The following TGM6 variants were observed in gnomAD, a reference collection of about 807,000 sequenced individuals.
TGM6 encodes the protein transglutaminase 6, also known as protein-glutamine gamma-glutamyltransferase 6.
TGM6 carries 74 observed loss-of-function variants against 77.5 expected under a neutral mutation model. That is an observed-to-expected ratio of 0.96 (90% confidence interval 0.79 to 1.16). TGM6 has a LOEUF of 1.16. Ranked by LOEUF, TGM6 falls within the 50% of genes most tolerant of loss-of-function variation. TGM6 has a pLI of 0.00. For synonymous variants in TGM6, 383 were observed against 378.9 expected (o/e 1.01, Z -0.12); for missense variants, 968 against 940.2 (o/e 1.03, Z -0.39).
chr20:2,420,761 A>G lies in TGM6; in HGVS notation c.1678+3188A>G, dbSNP rs185261032. Among the ~76,000 whole-genome samples, 25 of 152,130 alleles carry G rather than the reference A, an allele frequency of 1.6e-4. No homozygotes were observed. The South Asian group carries it at 3.7e-3, about 23-fold the overall frequency. On this transcript the variant is annotated intron_variant, in intron 10 of 12. Coordinates refer to ENST00000202625, the MANE Select transcript of TGM6 (RefSeq NM_198994.3). ...ATACAGTGTAATTAAGCTTTTTCAG[A>G]TTGGCTTCTTTCACTTAGCAATATG... is the stretch of plus-strand genomic sequence containing the variant.
intron 1 of TGM6, among the ~76,000 whole-genome samples, chr20:2,384,212 C>T (rs2084577544): frequency 6.6e-6 from 1 of 152,118 alleles, no homozygotes; most frequent in African/African-American, 2.4e-5. Flanking sequence ...TGGTGGAAGC[C>T]CATTGCCCTA....
chr20:2,431,805 G>A (rs974212853), intron 12 of TGM6, among the ~76,000 whole-genome samples: 4 of 152,220 alleles, frequency 2.6e-5, no homozygotes, highest in African/African-American at 9.6e-5. Context: ...CGGTTTGCCA[G>A]GCAAAGGTCT....
At chr20:2,416,440 T>C (rs900063627) in intron 9 of TGM6, among the ~76,000 whole-genome samples, 3 of 152,232 alleles carry the variant, frequency 2.0e-5, no homozygotes, top group African/African-American at 7.2e-5. Flanking sequence ...TAAATGGTGT[T>C]GGGACCGCTG....
At position 2,401,335 on chromosome 20, in the gene TGM6, C is replaced by T. The variant is rs201507136; in HGVS notation, c.989+891C>T. On this transcript the variant is annotated intron_variant, in intron 7 of 12. Coordinates refer to ENST00000202625, the MANE Select transcript of TGM6 (RefSeq NM_198994.3). ...TCCCTCCCGCCCAGTTCCCCAGCCT[C>T]CCCATCCTCCTCCTGGAGGCAACAC... Among the ~76,000 whole-genome samples, 12 of 152,280 alleles carry T rather than the reference C, an allele frequency of 7.9e-5. No homozygotes were observed. The East Asian group carries it at 2.3e-3, about 29-fold the overall frequency.
At chr20:2,386,346 A>G (rs1332244829) in intron 1 of TGM6, among the ~76,000 whole-genome samples, 1 of 152,148 alleles carries the variant, frequency 6.6e-6, no homozygotes, top group Non-Finnish European at 1.5e-5. Context: ...AGGGATCAGA[A>G]CAGTGACCTC....
At chr20:2,417,113 C>G (rs2084821293) in intron 9 of TGM6, 119 bp from the exon 10 acceptor site, 1 of 871,150 alleles carries the variant, frequency 1.1e-6, no homozygotes. Flanking sequence ...GAATCAAACA[C>G]AAGGCATGTG....
intron 1 of TGM6, among the ~76,000 whole-genome samples, chr20:2,389,459 C>A (rs1183487727): frequency 1.3e-5 from 2 of 152,148 alleles, no homozygotes; most frequent in African/African-American, 4.8e-5. Context: ...ATATGATTAT[C>A]ATTTTTCCAA....
chr20:2,397,877 G>A, intron 4 of TGM6, 41 bp from the exon 5 acceptor site: 1 of 1,614,042 alleles, frequency 6.2e-7, no homozygotes, highest in Non-Finnish European at 8.5e-7. Context: ...GAATATGGGT[G>A]ACTGAACGCA....
At chr20:2,418,620 G>GT (rs2084834417) in intron 10 of TGM6, among the ~76,000 whole-genome samples, 1 of 152,188 alleles carries the variant, frequency 6.6e-6, no homozygotes, top group Admixed American at 6.5e-5. Flanking sequence ...TTGACTGCAG[G>GT]TTATGGAATG....
At chr20:2,420,912 C>G (rs542634090) in intron 10 of TGM6, among the ~76,000 whole-genome samples, 1 of 152,054 alleles carries the variant, frequency 6.6e-6, no homozygotes, top group Admixed American at 6.6e-5. Flanking sequence ...TTGGTTGATT[C>G]CGAGTTTTGG....
At chr20:2,384,465 G>C (rs577591013) in intron 1 of TGM6, among the ~76,000 whole-genome samples, 1 of 152,318 alleles carries the variant, frequency 6.6e-6, no homozygotes, top group African/African-American at 2.4e-5. Context: ...GCAGCTAGGA[G>C]GTCTTGTGTA....
At chr20:2,416,280 C>T (rs948098882) in intron 9 of TGM6, among the ~76,000 whole-genome samples, 3 of 152,038 alleles carry the variant, frequency 2.0e-5, no homozygotes, top group African/African-American at 4.8e-5. Context: ...ACAGAAACCC[C>T]GACAGTGTGA....
At chr20:2,407,034 A>G (rs2084757187) in intron 9 of TGM6, among the ~76,000 whole-genome samples, 1 of 152,086 alleles carries the variant, frequency 6.6e-6, no homozygotes, top group Non-Finnish European at 1.5e-5. Flanking sequence ...ACACTAGTAC[A>G]AAGTTTATTT....
chr20:2,422,987 C>T (rs2084866832), intron 10 of TGM6, among the ~76,000 whole-genome samples: 1 of 150,616 alleles, frequency 6.6e-6, no homozygotes. Flanking sequence ...TGAACCTTCA[C>T]TGAGTCATAA....
intron 7 of TGM6, 107 bp from the exon 8 acceptor site, chr20:2,403,290 C>G: frequency 8.7e-7 from 1 of 1,152,940 alleles, no homozygotes; most frequent in Non-Finnish European, 1.3e-6. Flanking sequence ...CAACATGCAG[C>G]CACAGTTCTT....
chr20:2,404,709 C>T (rs2084738213), intron 9 of TGM6, among the ~76,000 whole-genome samples: 1 of 151,838 alleles, frequency 6.6e-6, no homozygotes, highest in African/African-American at 2.4e-5. Flanking sequence ...AATGTGATCT[C>T]AGCTCACTGC....
chr20:2,390,079 G>A (rs185925147), intron 1 of TGM6, among the ~76,000 whole-genome samples: 7 of 152,048 alleles, frequency 4.6e-5, no homozygotes, highest in Non-Finnish European at 7.4e-5. Context: ...AACACAAGCC[G>A]CAATCCTGTA....
chr20:2,407,505 G>A (rs1016409946), intron 9 of TGM6, among the ~76,000 whole-genome samples: 1 of 152,156 alleles, frequency 6.6e-6, no homozygotes, highest in Admixed American at 6.5e-5. Flanking sequence ...TGTAGTCCCA[G>A]CTGTTCAGGA....
intron 10 of TGM6, 103 bp from the exon 11 acceptor site, chr20:2,430,343 A>T: frequency 6.9e-7 from 1 of 1,456,800 alleles, no homozygotes; most frequent in South Asian, 1.1e-5. Context: ...GGTTGCAAGG[A>T]CCAGAGAGAA....
Sources: allele counts gnomAD v4.1 joint callset (sites outside exome capture counted in the v4.1 genomes callset), GRCh38; gene constraint gnomAD v4.1.1; transcripts MANE v1.5; gene names NCBI Gene and HGNC (gene_info 2026-07-23, HGNC 2026-07-21).